The following GRIN2B variants were observed in gnomAD, a reference collection of about 807,000 sequenced individuals.
GRIN2B encodes the protein glutamate receptor ionotropic, NMDA 2B.
In GRIN2B, 5 loss-of-function variants were observed where a neutral mutation model predicts 114.5. That is an observed-to-expected ratio of 0.04 (90% CI 0.02 to 0.09). GRIN2B has a LOEUF of 0.09. Among genes scored for constraint, GRIN2B ranks in the 10% least tolerant of loss-of-function variants. GRIN2B has a pLI of 1.00. For synonymous variants in GRIN2B, 787 were observed against 745.1 expected, an observed-to-expected ratio of 1.06 and a Z score of -0.92; for missense variants, 1,108 against 1,943.5, an observed-to-expected ratio of 0.57 and a Z score of 8.08.
Position 13,562,468 on chromosome 12 carries a change from A to C in GRIN2B, c.*315T>G. 2.8e-6 allele frequency: 1 copy of C among 361,984 alleles called. No individual in the cohort carries two copies. The highest frequency in any genetic ancestry group is 4.2e-5 in the Admixed American group (1 of 23,658). 22.4% of individuals were successfully genotyped at this position (361,984 alleles called of 1,614,324 possible). A position where few individuals can be genotyped will look rare whatever the true frequency, so the allele number is the denominator to read the frequency against. On this transcript the variant is annotated 3_prime_UTR_variant, in exon 14 of 14. Transcript: ENST00000609686. ...TATCAAGGAGCTCTTCCACACCAGGAGGAAGCCCGCATGCAGCCCTTCCTT... is the reference window on the plus strand; with the variant it reads ...TATCAAGGAGCTCTTCCACACCAGGCGGAAGCCCGCATGCAGCCCTTCCTT...
In GRIN2B at chr12:13,566,415, G is replaced by C. The variant is rs149258643; in HGVS notation, c.2598+610C>G. ...TCATACATAAAACTGTCTTCCTAGTGTCTCATTTTAGACTAGGAATGAAGA... is the reference window on the plus strand; with the variant it reads ...TCATACATAAAACTGTCTTCCTAGTCTCTCATTTTAGACTAGGAATGAAGA... On this transcript the variant is annotated intron_variant, in intron 13 of 13. Coordinates refer to ENST00000609686, the MANE Select transcript of GRIN2B (RefSeq NM_000834.5). 4.0e-3 allele frequency among the ~76,000 whole-genome samples: 606 copies of C among 152,244 alleles called. 4 individuals carry two copies. Among genetic ancestry groups the C allele is most frequent in the African/African-American group, 0.014 (570 of 41,554 alleles).
At chr12:13,868,937 G>A (rs10845848) in intron 2 of GRIN2B, among the ~76,000 whole-genome samples, 57,028 of 152,010 alleles carry the variant, frequency 0.38, 10,927 homozygotes, top group Middle Eastern at 0.46. Context: ...ATTCATTGAG[G>A]GAAAGCATGT....
chr12:13,599,879 A>G (rs1029954467), intron 10 of GRIN2B, among the ~76,000 whole-genome samples: 2 of 152,222 alleles, frequency 1.3e-5, no homozygotes, highest in Non-Finnish European at 2.9e-5. Context: ...AATGATTCCA[A>G]CAGTTAAAAG....
At chr12:13,605,069 CTCTT>C (rs921805636) in intron 10 of GRIN2B, among the ~76,000 whole-genome samples, 1 of 147,892 alleles carries the variant, frequency 6.8e-6, no homozygotes, top group Non-Finnish European at 1.5e-5. Flanking sequence ...TCCCCACAGA[CTCTT>C]TTTTTTTTTT....
intron 4 of GRIN2B, among the ~76,000 whole-genome samples, chr12:13,707,976 C>A (rs970515574): frequency 6.7e-6 from 1 of 150,374 alleles, no homozygotes; most frequent in Non-Finnish European, 1.5e-5. Context: ...AGCTGAAGGT[C>A]TAAGCAAGGC....
At chr12:13,698,525 A>T (rs554679724) in intron 4 of GRIN2B, among the ~76,000 whole-genome samples, 100 of 152,340 alleles carry the variant, frequency 6.6e-4, no homozygotes, top group African/African-American at 2.3e-3. Context: ...ACAGTATTAC[A>T]TCTTTGTGTG....
intron 2 of GRIN2B, among the ~76,000 whole-genome samples, chr12:13,943,959 T>C (rs1222532241): frequency 2.6e-5 from 4 of 152,192 alleles, no homozygotes; most frequent in East Asian, 1.9e-4. Context: ...TCATGGCACA[T>C]AGTAGACGCT....
Position 13,563,329 on chromosome 12 carries a change from G to A in GRIN2B, c.3909C>T (p.Ser1303=), listed in dbSNP as rs762775526. The change falls in exon 14 of 14, where the codon TCC becomes TCT. Residue 1303 remains serine (S), a synonymous_variant. Transcript: ENST00000609686. Reference sequence around the variant, plus strand: ...TCTGCAGGTCCACGAAGGTGTCGTAGGAGTGCTGCCGGCGCAGTTTGTTCC... The same window carrying A: ...TCTGCAGGTCCACGAAGGTGTCGTAAGAGTGCTGCCGGCGCAGTTTGTTCC... ...KNRNKLRRQH[S]YDTFVDLQKE... The A allele has an allele frequency of 1.2e-6, 2 of 1,614,098 alleles. No individual in the cohort carries two copies. The highest frequency in any genetic ancestry group is 1.1e-5 in the South Asian group (1 of 91,084).
chr12:13,792,773 G>C (rs113330632), intron 3 of GRIN2B, among the ~76,000 whole-genome samples: 1 of 152,086 alleles, frequency 6.6e-6, no homozygotes, highest in African/African-American at 2.4e-5. Context: ...ACTGCAATTA[G>C]AACAGGAAAC....
chr12:13,968,837 T>C (rs1591646297), intron 2 of GRIN2B, among the ~76,000 whole-genome samples: 1 of 152,236 alleles, frequency 6.6e-6, no homozygotes, highest in African/African-American at 2.4e-5. Flanking sequence ...TACTTAGGAC[T>C]GCCATTCTCT....
intron 10 of GRIN2B, among the ~76,000 whole-genome samples, chr12:13,589,999 CAGT>C (rs896508205): frequency 2.6e-5 from 4 of 152,048 alleles, no homozygotes; most frequent in African/African-American, 9.7e-5. Flanking sequence ...TTGCTAAACA[CAGT>C]AGTCAAAATG....
chr12:13,668,614 AAC>A (rs1198046317), intron 5 of GRIN2B, among the ~76,000 whole-genome samples: 1 of 152,104 alleles, frequency 6.6e-6, no homozygotes, highest in Non-Finnish European at 1.5e-5. Context: ...AACTCAGAAA[AAC>A]ACAACAAAAT....
chr12:13,967,730 G>C (rs947702856), intron 2 of GRIN2B, among the ~76,000 whole-genome samples: 6 of 152,176 alleles, frequency 3.9e-5, no homozygotes, highest in African/African-American at 1.4e-4. Flanking sequence ...CACATCCCAG[G>C]GTGGGCTATG....
chr12:13,793,434 C>A (rs66533379), intron 3 of GRIN2B, among the ~76,000 whole-genome samples: 147,004 of 151,256 alleles, frequency 0.97, 71,532 homozygotes, highest in East Asian at 1. Flanking sequence ...AAAAAAAAAA[C>A]GTTATTCAAC....
At position 13,753,050 on chromosome 12, in the gene GRIN2B, A is replaced by G. The variant is rs1244280498; in HGVS notation, c.1010+267T>C. 6.6e-6 allele frequency among the ~76,000 whole-genome samples: 1 copy of G among 152,238 alleles called. No homozygotes were observed. Among genetic ancestry groups the G allele is most frequent in the African/African-American group, 2.4e-5 (1 of 41,462 alleles). On this transcript the variant is annotated intron_variant, in intron 4 of 13. Coordinates refer to ENST00000609686, the MANE Select transcript of GRIN2B (RefSeq NM_000834.5). This position sits in a 1 kb window ranked among gnomAD's most constrained non-coding sequence, Gnocchi z 6.2. ...ACAATTGTTAAAACCTGACTTATAG[A>G]GTTATTTTGAGGATCAAATGAAACC...
chr12:13,678,116 T>C (rs540531028), intron 4 of GRIN2B, among the ~76,000 whole-genome samples: 34 of 152,270 alleles, frequency 2.2e-4, no homozygotes, highest in African/African-American at 7.5e-4. Flanking sequence ...ATGAAGGACA[T>C]CTAAACCCCC....
chr12:13,615,036 G>A lies in GRIN2B; in HGVS notation c.1654+78C>T. The A allele has an allele frequency of 7.7e-7, 1 of 1,292,412 alleles. No homozygotes were observed. Among genetic ancestry groups the A allele is most frequent in the Non-Finnish European group, 1.1e-6 (1 of 887,228 alleles). 80.1% of individuals were successfully genotyped at this position (1,292,412 alleles called of 1,614,324 possible). On this transcript the variant is annotated intron_variant, in intron 8 of 13. Transcript: ENST00000609686. This position sits in a 1 kb window ranked among gnomAD's most constrained non-coding sequence, Gnocchi z 5.8. ...ACCACCTTCTAGCTGGAACAGCCTG[G>A]CCATGTGCTCCTTTTTTCCTTATTT...
chr12:13,768,885 T>A (rs1379068782), intron 3 of GRIN2B, among the ~76,000 whole-genome samples: 4 of 152,030 alleles, frequency 2.6e-5, no homozygotes, highest in Admixed American at 6.6e-5. Context: ...ATACAAAAAA[T>A]TAGCCTGGCT....
Position 13,841,785 on chromosome 12 carries a change from C to T in GRIN2B, c.411+24013G>A, listed in dbSNP as rs137885516. On this transcript the variant is annotated intron_variant, in intron 3 of 13. Transcript: ENST00000609686. ...ACAATGTATTGGGTTGTTGACACAG[C>T]GAGATGTATTCAATTTAAAGGACTG... is the stretch of plus-strand genomic sequence containing the variant. Among the ~76,000 whole-genome samples the T allele has an allele frequency of 5.1e-4, 77 of 152,124 alleles. 1 individual carries two copies. In the Middle Eastern group the frequency reaches 0.017, roughly 34 times the overall value.
Sources: allele counts gnomAD v4.1 joint callset (sites outside exome capture counted in the v4.1 genomes callset), GRCh38; gene constraint gnomAD v4.1.1; non-coding constraint Gnocchi (gnomAD v3.1); transcripts MANE v1.5; gene names NCBI Gene and HGNC (gene_info 2026-07-23, HGNC 2026-07-21).